Variants in OR7D2 observed in about 807,000 individuals in gnomAD.
OR7D2 encodes the protein olfactory receptor 7D2.
For missense variants in OR7D2, 370 were observed against 384.1 expected (o/e 0.96, Z 0.31); for synonymous variants, 158 against 158.7 (o/e 1.00, Z 0.03).
At chr19:9,185,027 G>T (rs749976409) in intron 2 of OR7D2, among the ~76,000 whole-genome samples, 1 of 152,048 alleles carries the variant, frequency 6.6e-6, no homozygotes, top group Non-Finnish European at 1.5e-5. Context: ...GGAGGGGTGC[G>T]GCTGGGGGAG....
chr19:9,187,448 T>G lies in OR7D2; in HGVS notation c.*728T>G, dbSNP rs2051046098. The G allele has an allele frequency of 6.0e-6, 1 of 165,940 alleles. No homozygotes were observed. Among genetic ancestry groups the G allele is most frequent in the South Asian group, 2.1e-4 (1 of 4,828 alleles). 10.3% of individuals were successfully genotyped at this position (165,940 alleles called of 1,614,324 possible). ...AGTACTCCATTGTATATATCCTCGATATCTATATAGATATAGACATATGTA... is the reference window on the plus strand; with the variant it reads ...AGTACTCCATTGTATATATCCTCGAGATCTATATAGATATAGACATATGTA... On this transcript the variant is annotated 3_prime_UTR_variant, in exon 3 of 3. Transcript: ENST00000641288.
rs1051397712 is a variant in OR7D2 at position 9,186,115 on chromosome 19, A to C, written c.334A>C (p.Thr112Pro). The C allele has an allele frequency of 2.5e-6, 4 of 1,613,884 alleles. No individual in the cohort carries two copies. The highest frequency in any genetic ancestry group is 3.4e-6 in the Non-Finnish European group (4 of 1,179,982). ...CTCCATGTTTTTTCCTATTCTGGAC[A>C]CGCTACTCCTGACCGTGATGGCCTA... ...YFSMFFPILD[T>P]LLLTVMAYDR... Residue 112 changes from threonine (T) to proline (P), a missense_variant, in exon 3 of 3, where the codon ACG (threonine) becomes CCG (proline). By Grantham distance (38) the Thr-to-Pro change is conservative. Coordinates refer to ENST00000641288, the MANE Select transcript of OR7D2 (RefSeq NM_175883.4).
In OR7D2 at chr19:9,186,052, G is replaced by C. The variant is rs2051029423; in HGVS notation, c.271G>C (p.Ala91Pro). The C allele has an allele frequency of 6.2e-7, 1 of 1,614,052 alleles. No homozygotes were observed. ...MLVNIQTENK[A>P]ISYMDCLTQV... ...GGTGAACATCCAGACCGAGAACAAAGCCATCTCCTACATGGACTGCCTCAC... is the reference window on the plus strand; with the variant it reads ...GGTGAACATCCAGACCGAGAACAAACCCATCTCCTACATGGACTGCCTCAC... The change falls in exon 3 of 3, where the codon GCC (alanine) becomes CCC (proline). Residue 91 changes from alanine (A) to proline (P), a missense_variant. Physicochemically the swap from Ala to Pro is conservative, Grantham distance 27. Transcript: ENST00000641288.
chr19:9,184,180 A>G (rs1488284745), intron 2 of OR7D2, among the ~76,000 whole-genome samples: 1 of 152,026 alleles, frequency 6.6e-6, no homozygotes, highest in Non-Finnish European at 1.5e-5. Context: ...GGATCACTTG[A>G]GGCCAGGAGT....
rs770135214 is a variant in OR7D2, at chr19:9,186,475, G to A, written c.694G>A (p.Gly232Arg). The change falls in exon 3 of 3, where the codon GGG (glycine) becomes AGG (arginine). Residue 232 changes from glycine to arginine, a missense_variant. By Grantham distance (125) the Gly-to-Arg change is moderately radical. Coordinates refer to ENST00000641288, the MANE Select transcript of OR7D2 (RefSeq NM_175883.4). Reference protein sequence around the residue: ...ASSIRKMSSSGGKQKALSTCG... With the variant: ...ASSIRKMSSSRGKQKALSTCG... Reference sequence around the variant, plus strand: ...ATCCATAAGGAAGATGTCCTCATCTGGGGGAAAACAAAAAGCACTTTCCAC... The same window carrying A: ...ATCCATAAGGAAGATGTCCTCATCTAGGGGAAAACAAAAAGCACTTTCCAC... The A allele has an allele frequency of 1.1e-5, 17 of 1,613,970 alleles. No homozygotes were observed. The highest frequency in any genetic ancestry group is 3.3e-4 in the Middle Eastern group (2 of 6,062).
chr19:9,183,288 A>T (rs28615263), intron 2 of OR7D2, among the ~76,000 whole-genome samples: 3,346 of 152,056 alleles, frequency 0.022, 108 homozygotes, highest in East Asian at 0.072. Context: ...GTAATTTTTT[A>T]TTTTAAGACA....
Position 9,187,387 on chromosome 19 carries a change from C to G in OR7D2, c.*667C>G, listed in dbSNP as rs1286373993. 1 of 166,356 alleles carries G rather than the reference C, an allele frequency of 6.0e-6. No individual in the cohort carries two copies. The highest frequency in any genetic ancestry group is 2.4e-5 in the African/African-American group (1 of 41,442). The allele number at this position is 166,356 out of a possible 1,614,324, so 10.3% of individuals were successfully genotyped here. On this transcript the variant is annotated 3_prime_UTR_variant, in exon 3 of 3. Transcript: ENST00000641288. ...GCTTCCAGTCCCATCGATGTTGCTG[C>G]AAAAGACATGATTTCATCCTTTTTT...
At position 9,188,337 on chromosome 19, in the gene OR7D2, C is replaced by CT. The variant is rs2051054463; in HGVS notation, c.*1617_*1618insT. 1 of 157,478 alleles carries CT rather than the reference C, an allele frequency of 6.4e-6. No homozygotes were observed. Among genetic ancestry groups the CT allele is most frequent in the Admixed American group, 6.5e-5 (1 of 15,280 alleles). 9.8% of individuals were successfully genotyped at this position (157,478 alleles called of 1,614,324 possible). On this transcript the variant is annotated 3_prime_UTR_variant, in exon 3 of 3. Coordinates refer to ENST00000641288, the MANE Select transcript of OR7D2 (RefSeq NM_175883.4). ...GAACTCCTGACCTCAGGTGATACGCCCACCTCGGCCTCCCAAAGTGCTGGG... is the reference window on the plus strand; with the variant it reads ...GAACTCCTGACCTCAGGTGATACGCCTCACCTCGGCCTCCCAAAGTGCTGGG...
chr19:9,187,974 T>G lies in OR7D2; in HGVS notation c.*1254T>G, dbSNP rs1369826324. 6.0e-6 allele frequency: 1 copy of G among 166,964 alleles called. No individual in the cohort carries two copies. Among genetic ancestry groups the G allele is most frequent in the Non-Finnish European group, 1.5e-5 (1 of 68,142 alleles). The allele number at this position is 166,964 out of a possible 1,614,324, so 10.3% of individuals were successfully genotyped here. ...GGTTCCATGCCTTTGTAATTGCTAA[T>G]TATGTTGCTATAAACATGCAGGTGT... On this transcript the variant is annotated 3_prime_UTR_variant, in exon 3 of 3. Transcript: ENST00000641288.
At position 9,186,355 on chromosome 19, in the gene OR7D2, A is replaced by T; in HGVS notation, c.574A>T (p.Thr192Ser). The change falls in exon 3 of 3, where the codon ACC becomes TCC. Residue 192 changes from threonine to serine, a missense_variant. Transcript: ENST00000641288. ...CATCCTCCAGCTGGCCTGCTCTGAT[A>T]CCTTCCTGAACAGCACGTTGATATA... ...TYILQLACSD[T>S]FLNSTLIYFM... 1 of 1,613,926 alleles carries T rather than the reference A, an allele frequency of 6.2e-7. No homozygotes were observed. Among genetic ancestry groups the T allele is most frequent in the Non-Finnish European group, 8.5e-7 (1 of 1,179,966 alleles).
Position 9,186,710 on chromosome 19 carries a change from CTTGT to C in OR7D2, c.934_937del (p.Leu312AspfsTer63). The C allele has an allele frequency of 6.3e-7, 1 of 1,597,094 alleles. No homozygotes were observed. ...GGGAGTCTCCTCAGCAGGGCAGCCT[CTTGT>C]TTGTGATGGATCCCTTGGCCCCAGG... On this transcript the variant is annotated frameshift_variant, in exon 3 of 3. Coordinates refer to ENST00000641288, the MANE Select transcript of OR7D2 (RefSeq NM_175883.4). LOFTEE classifies it high-confidence loss of function.
intron 2 of OR7D2, chr19:9,183,005 T>C (rs761783124): frequency 4.5e-6 from 2 of 439,564 alleles, no homozygotes; most frequent in South Asian, 2.1e-5. Flanking sequence ...ATACACGGCA[T>C]CAGGGCCTTC....
rs988063576 is a variant in OR7D2 at position 9,187,736 on chromosome 19, G to C, written c.*1016G>C. 5.4e-5 allele frequency: 9 copies of C among 166,870 alleles called. No individual in the cohort carries two copies. The highest frequency in any genetic ancestry group is 2.2e-4 in the African/African-American group (9 of 41,426). The allele number at this position is 166,870 out of a possible 1,614,324, so 10.3% of individuals were successfully genotyped here. Reference sequence around the variant, plus strand: ...CTCCCACTTATAACTGAGAACATACGATATGTTCATATGGATCTTATGTAT... The same window carrying C: ...CTCCCACTTATAACTGAGAACATACCATATGTTCATATGGATCTTATGTAT... On this transcript the variant is annotated 3_prime_UTR_variant, in exon 3 of 3. Coordinates refer to ENST00000641288, the MANE Select transcript of OR7D2 (RefSeq NM_175883.4).
chr19:9,185,176 G>A (rs1365210316), intron 2 of OR7D2, among the ~76,000 whole-genome samples: 2 of 152,128 alleles, frequency 1.3e-5, no homozygotes, highest in African/African-American at 2.4e-5. Context: ...TCAGTAGACT[G>A]TAGCTGTTCT....
At chr19:9,183,486 C>T (rs989776546) in intron 2 of OR7D2, among the ~76,000 whole-genome samples, 15 of 151,836 alleles carry the variant, frequency 9.9e-5, no homozygotes, top group South Asian at 2.1e-4. Flanking sequence ...CTGTGTTGTT[C>T]GGGCTGGTCT....
Position 9,185,811 on chromosome 19 carries a change from A to G in OR7D2, c.30A>G (p.Leu10=). 1 of 1,587,900 alleles carries G rather than the reference A, an allele frequency of 6.3e-7. No homozygotes were observed. Among genetic ancestry groups the G allele is most frequent in the Non-Finnish European group, 8.6e-7 (1 of 1,167,946 alleles). Residue 10 remains leucine, a synonymous_variant, in exon 3 of 3, where the codon TTA becomes TTG. Coordinates refer to ENST00000641288, the MANE Select transcript of OR7D2 (RefSeq NM_175883.4). ...AAGCAGGAAACCAAACAGGATTTTT[A>G]GAGTTTATCCTTCTCGGACTCTCTG... MEAGNQTGF[L]EFILLGLSED...
chr19:9,185,218 C>T (rs1325516808), intron 2 of OR7D2, among the ~76,000 whole-genome samples: 3 of 151,960 alleles, frequency 2.0e-5, no homozygotes, highest in Non-Finnish European at 4.4e-5. Context: ...CTATGTAAGA[C>T]GATGGATATG....
Position 9,186,755 on chromosome 19 carries a change from G to A in OR7D2, c.*35G>A, listed in dbSNP as rs917222535. 2 of 1,367,890 alleles carry A rather than the reference G, an allele frequency of 1.5e-6. No individual in the cohort carries two copies. The highest frequency in any genetic ancestry group is 2.0e-6 in the Non-Finnish European group (2 of 997,398). The allele number at this position is 1,367,890 out of a possible 1,614,324, so 84.7% of individuals were successfully genotyped here. On this transcript the variant is annotated 3_prime_UTR_variant, in exon 3 of 3. Coordinates refer to ENST00000641288, the MANE Select transcript of OR7D2 (RefSeq NM_175883.4). The stretch of plus-strand genomic sequence containing the variant: ...TGGCCCCAGGACTAAGAAGTTTTGT[G>A]AGCACCAATGGCAAAAATGTTTTAT...
chr19:9,181,257 A>G lies in OR7D2; in HGVS notation c.-14+469A>G, dbSNP rs1599209505. Among the ~76,000 whole-genome samples the G allele has an allele frequency of 2.0e-5, 3 of 150,638 alleles. No individual in the cohort carries two copies. The South Asian group carries it at 6.2e-4, about 31-fold the overall frequency. ...ATACTATATTAGTAATATAGTAATT[A>G]GTATATAGCATTAATATAATACTAT... On this transcript the variant is annotated intron_variant, in intron 2 of 2. Coordinates refer to ENST00000641288, the MANE Select transcript of OR7D2 (RefSeq NM_175883.4).
Sources: gnomAD v4.1 joint callset for allele counts (sites outside exome capture counted in the v4.1 genomes callset) on GRCh38, gnomAD v4.1.1 for gene constraint, MANE v1.5 for transcripts, NCBI Gene and HGNC (gene_info 2026-07-23, HGNC 2026-07-21) for gene names.